IL34: variants seen among roughly 807,000 people sequenced by gnomAD.
IL34 encodes the protein interleukin 34, also known as interleukin-34.
In IL34, 17 loss-of-function variants were observed where a neutral mutation model predicts 25.3. The ratio of observed to expected loss-of-function variants is 0.67; its 90% confidence interval spans 0.46 to 1.01. IL34 has a LOEUF of 1.01. IL34 is among the 50% of genes least tolerant of loss of function. The pLI, the probability that IL34 is intolerant of heterozygous loss-of-function variation, is 0.00. For synonymous variants in IL34, 174 were observed against 140.9 expected, an observed-to-expected ratio of 1.23 and a Z score of -1.66; for missense variants, 368 against 312.9, an observed-to-expected ratio of 1.18 and a Z score of -1.33.
intron 1 of IL34, among the ~76,000 whole-genome samples, chr16:70,597,262 C>T (rs1037486530): frequency 6.6e-6 from 1 of 151,196 alleles, no homozygotes. Flanking sequence ...GCTCTGTTGT[C>T]CAGGCTGTAG....
At chr16:70,631,832 T>G (rs1007199497) in intron 1 of IL34, among the ~76,000 whole-genome samples, 1 of 152,090 alleles carries the variant, frequency 6.6e-6, no homozygotes, top group Non-Finnish European at 1.5e-5. Flanking sequence ...CTCATCCCTC[T>G]GGTCCTTCAT....
chr16:70,585,811 C>G (rs972159611), intron 1 of IL34, among the ~76,000 whole-genome samples: 4 of 150,676 alleles, frequency 2.7e-5, no homozygotes, highest in Non-Finnish European at 5.9e-5. Flanking sequence ...GGATTACAGG[C>G]GTGAGCCACT....
At chr16:70,645,760 G>A (rs1283135177), upstream of IL34, among the ~76,000 whole-genome samples, 1 of 152,154 alleles carries the variant, frequency 6.6e-6, no homozygotes, top group East Asian at 1.9e-4. Context: ...TGAATGTAAA[G>A]ACCTTAGTCC....
At chr16:70,644,707 G>T (rs143373720), upstream of IL34, among the ~76,000 whole-genome samples, 753 of 138,100 alleles carry the variant, frequency 5.5e-3, 7 homozygotes, top group Middle Eastern at 0.018. Context: ...AGGAGGAGGA[G>T]GAGGGGGAGG....
intron 2 of IL34, 79 bp from the exon 3 acceptor site, chr16:70,656,518 TAAAAA>T: frequency 1.2e-6 from 1 of 833,600 alleles, no homozygotes; most frequent in Non-Finnish European, 2.1e-6. Context: ...GACTAACTGT[TAAAAA>T]AAACATCATT....
intron 1 of IL34, among the ~76,000 whole-genome samples, chr16:70,599,880 A>G (rs1052525496): frequency 2.6e-5 from 4 of 151,878 alleles, no homozygotes; most frequent in African/African-American, 4.8e-5. Flanking sequence ...GGGTCTCCCT[A>G]TGTTGCCCAG....
At chr16:70,642,240 C>A (rs552364053), upstream of IL34, among the ~76,000 whole-genome samples, 5 of 145,982 alleles carry the variant, frequency 3.4e-5, no homozygotes, top group East Asian at 1.0e-3. Flanking sequence ...TGGGAAGAGA[C>A]AGAGAGAGAG....
intron 1 of IL34, among the ~76,000 whole-genome samples, chr16:70,634,659 G>A (rs1018796712): frequency 7.4e-5 from 11 of 149,508 alleles, no homozygotes; most frequent in African/African-American, 1.7e-4. Flanking sequence ...CAGCCTGGGC[G>A]ACAGAGCGAG....
chr16:70,639,313 A>G (rs2051727315), intron 1 of IL34, among the ~76,000 whole-genome samples: 1 of 152,212 alleles, frequency 6.6e-6, no homozygotes, highest in Admixed American at 6.5e-5. Context: ...TTGAAAACAA[A>G]TTACACGGGC....
intron 1 of IL34, among the ~76,000 whole-genome samples, chr16:70,631,449 CT>C (rs2051515849): frequency 6.6e-6 from 1 of 152,060 alleles, no homozygotes; most frequent in African/African-American, 2.4e-5. Flanking sequence ...TTTTTATTAA[CT>C]TTTAAAACAA....
At chr16:70,644,088 C>T (rs1228662708), upstream of IL34, among the ~76,000 whole-genome samples, 1 of 152,188 alleles carries the variant, frequency 6.6e-6, no homozygotes, top group Non-Finnish European at 1.5e-5. Context: ...GATTCTGCTG[C>T]CTCAGCCTCC....
At chr16:70,630,123 G>A (rs2051485710) in intron 1 of IL34, among the ~76,000 whole-genome samples, 2 of 152,052 alleles carry the variant, frequency 1.3e-5, no homozygotes, top group South Asian at 4.1e-4. Context: ...TTCTGTGCCT[G>A]GCTTATTTCA....
rs370570658 is a variant in IL34 at position 70,659,637 on chromosome 16, A to G, written c.422A>G (p.Lys141Arg). 3.7e-6 allele frequency: 6 copies of G among 1,610,646 alleles called. No homozygotes were observed. The African/African-American group carries it at 8.0e-5, about 22-fold the overall frequency. Reference sequence around the variant, plus strand: ...TTCCAGGATGTGGAGGTCAGCCCCAAGGTGGAATCCGTGTTGTCCCTCTTG... The same window carrying G: ...TTCCAGGATGTGGAGGTCAGCCCCAGGGTGGAATCCGTGTTGTCCCTCTTG... ...QGLTDVEVSP[K>R]VESVLSLLNA... Residue 141 changes from lysine (K) to arginine (R), a missense_variant, in exon 5 of 6, where the codon AAG becomes AGG. Transcript: ENST00000288098.
chr16:70,606,134 C>T (rs1007408948), intron 1 of IL34, among the ~76,000 whole-genome samples: 4 of 151,936 alleles, frequency 2.6e-5, no homozygotes, highest in Admixed American at 6.6e-5. Context: ...CAGTGGCTCA[C>T]GCCTGTAATC....
At chr16:70,581,443 C>A (rs974558082) in intron 1 of IL34, among the ~76,000 whole-genome samples, 4 of 151,438 alleles carry the variant, frequency 2.6e-5, no homozygotes, top group Non-Finnish European at 4.4e-5. Flanking sequence ...TTTTTTCCCC[C>A]CTTTTCCTTG....
At chr16:70,598,283 A>G (rs1012803126) in intron 1 of IL34, among the ~76,000 whole-genome samples, 3 of 152,022 alleles carry the variant, frequency 2.0e-5, no homozygotes, top group Non-Finnish European at 2.9e-5. Flanking sequence ...TCACCTTCCT[A>G]TATCACAGGA....
chr16:70,601,963 G>A (rs1452852193), intron 1 of IL34, among the ~76,000 whole-genome samples: 1 of 152,256 alleles, frequency 6.6e-6, no homozygotes, highest in Non-Finnish European at 1.5e-5. Context: ...AGCTTTTGAG[G>A]AGGTAAAGAT....
At position 70,646,815 on chromosome 16, in the gene IL34, C is replaced by A. The variant is rs1057413669; in HGVS notation, c.-133C>A. On this transcript the variant is annotated 5_prime_UTR_variant, in exon 1 of 6. Transcript: ENST00000288098. ...TGCTCACTCCCGCAGCCCAGCCACT[C>A]CTCCAGGGCCAGCCCTTCCCTGACT... 1.2e-6 allele frequency: 1 copy of A among 836,580 alleles called. No homozygotes were observed. Among genetic ancestry groups the A allele is most frequent in the African/African-American group, 1.8e-5 (1 of 54,912 alleles). 51.8% of individuals were successfully genotyped at this position (836,580 alleles called of 1,614,324 possible).
intron 1 of IL34, among the ~76,000 whole-genome samples, chr16:70,600,267 C>T (rs1212327149): frequency 2.0e-5 from 3 of 152,186 alleles, no homozygotes; most frequent in African/African-American, 4.8e-5. Context: ...TTGGTCAACT[C>T]TAATCCATCC....
Sources: gnomAD v4.1 joint callset for allele counts (sites outside exome capture counted in the v4.1 genomes callset) on GRCh38, gnomAD v4.1.1 for gene constraint, MANE v1.5 for transcripts, NCBI Gene and HGNC (gene_info 2026-07-23, HGNC 2026-07-21) for gene names.